Variants in SPOCK1 observed in about 807,000 individuals in gnomAD.
The protein encoded by SPOCK1 is SPARC (osteonectin), cwcv and kazal like domains proteoglycan 1, also known as testican-1.
A neutral mutation model predicts 55.3 loss-of-function variants in SPOCK1; 23 were observed. That is an observed-to-expected ratio of 0.42 (90% CI 0.30 to 0.59). The LOEUF (loss-of-function observed/expected upper bound fraction) is 0.59. SPOCK1 is among the 20% of genes least tolerant of loss of function. The pLI is 0.22. For missense variants in SPOCK1, 499 were observed against 552.5 expected (o/e 0.90, Z 0.97); for synonymous variants, 226 against 221.0 (o/e 1.02, Z -0.20).
At chr5:137,462,968 G>T (rs975035965) in intron 2 of SPOCK1, among the ~76,000 whole-genome samples, 5 of 152,190 alleles carry the variant, frequency 3.3e-5, no homozygotes, top group Non-Finnish European at 7.3e-5. Flanking sequence ...GGAAAAGGAT[G>T]AGGCTGAAGA....
intron 3 of SPOCK1, among the ~76,000 whole-genome samples, chr5:137,156,942 C>G (rs939046273): frequency 6.6e-6 from 1 of 152,072 alleles, no homozygotes; most frequent in East Asian, 1.9e-4. Flanking sequence ...AAGGTGTTAG[C>G]AGTAAGAAAT....
In SPOCK1 at chr5:137,415,551, A is replaced by G. The variant is rs1405467089; in HGVS notation, c.186+82822T>C. Among the ~76,000 whole-genome samples the G allele has an allele frequency of 2.6e-5, 4 of 152,230 alleles. No individual in the cohort carries two copies. The South Asian group carries it at 6.2e-4, about 24-fold the overall frequency. On this transcript the variant is annotated intron_variant, in intron 2 of 10. Coordinates refer to ENST00000394945, the MANE Select transcript of SPOCK1 (RefSeq NM_004598.4). ...AAGAATGAAAACTGCTTGGATCCCC[A>G]TTATGGGGTAAACAGGCAGTTCCCT...
At chr5:137,180,113 G>A (rs1754940880) in intron 3 of SPOCK1, among the ~76,000 whole-genome samples, 1 of 152,126 alleles carries the variant, frequency 6.6e-6, no homozygotes, top group Non-Finnish European at 1.5e-5. Context: ...ACCTGGATCT[G>A]GCAGAGGCAA....
At chr5:137,175,156 G>C (rs866842978) in intron 3 of SPOCK1, among the ~76,000 whole-genome samples, 2 of 152,198 alleles carry the variant, frequency 1.3e-5, no homozygotes, top group African/African-American at 2.4e-5. Flanking sequence ...TGAAGAGGGA[G>C]AAATTACTAC....
In SPOCK1 at chr5:137,085,684, G is replaced by A. The variant is rs145515439; in HGVS notation, c.475-17855C>T. 2.8e-3 allele frequency among the ~76,000 whole-genome samples: 434 copies of A among 152,322 alleles called. 1 individual carries two copies. Among genetic ancestry groups the A allele is most frequent in the African/African-American group, 1.0e-2 (415 of 41,576 alleles). On this transcript the variant is annotated intron_variant, in intron 5 of 10. Transcript: ENST00000394945. ...GTCATTCCTGAAGTGAATGCCTAAC[G>A]GTGATGACGATGACAGAAACTGAGT...
At chr5:137,479,573 A>G (rs1321781498) in intron 2 of SPOCK1, among the ~76,000 whole-genome samples, 1 of 152,166 alleles carries the variant, frequency 6.6e-6, no homozygotes, top group Non-Finnish European at 1.5e-5. Flanking sequence ...GCTCTCAAAA[A>G]TGGCATCTCC....
chr5:137,322,034 AAAAG>A (rs1757989772), intron 2 of SPOCK1, among the ~76,000 whole-genome samples: 1 of 152,220 alleles, frequency 6.6e-6, no homozygotes, highest in Non-Finnish European at 1.5e-5. Context: ...CTTCAAGTTG[AAAAG>A]AAAGAATGCT....
intron 2 of SPOCK1, among the ~76,000 whole-genome samples, chr5:137,332,424 G>A (rs1360834452): frequency 4.6e-5 from 7 of 151,856 alleles, no homozygotes; most frequent in East Asian, 1.9e-4. Flanking sequence ...CACCATCTGC[G>A]CTCTGCACCC....
intron 2 of SPOCK1, among the ~76,000 whole-genome samples, chr5:137,460,290 A>G (rs991541443): frequency 6.6e-6 from 1 of 152,212 alleles, no homozygotes; most frequent in Admixed American, 6.5e-5. Context: ...TCTACTGACC[A>G]GGACTCCTCT....
intron 4 of SPOCK1, among the ~76,000 whole-genome samples, chr5:137,117,192 CT>C (rs1213046561): frequency 2.0e-5 from 3 of 152,242 alleles, no homozygotes; most frequent in Admixed American, 6.5e-5. Flanking sequence ...TAAGTTCTAT[CT>C]CCAGCCAGCC....
chr5:137,452,321 T>C (rs1442200949), intron 2 of SPOCK1, among the ~76,000 whole-genome samples: 1 of 152,244 alleles, frequency 6.6e-6, no homozygotes, highest in Non-Finnish European at 1.5e-5. Context: ...CCAATTCTGC[T>C]GGCTTGTTGC....
At chr5:137,339,639 T>G (rs1395547333) in intron 2 of SPOCK1, among the ~76,000 whole-genome samples, 2 of 152,156 alleles carry the variant, frequency 1.3e-5, no homozygotes, top group Non-Finnish European at 2.9e-5. Flanking sequence ...TCAATCAGTT[T>G]TTTTTCAATC....
intron 2 of SPOCK1, among the ~76,000 whole-genome samples, chr5:137,387,745 G>A (rs961865745): frequency 1.9e-4 from 29 of 152,152 alleles, no homozygotes; most frequent in African/African-American, 6.3e-4. Flanking sequence ...CAACTGTAAC[G>A]AATGTGTGAC....
intron 2 of SPOCK1, 29 bp from the exon 3 acceptor site, chr5:137,267,084 G>A (rs1406309548): frequency 6.9e-6 from 11 of 1,593,590 alleles, no homozygotes; most frequent in Non-Finnish European, 9.5e-6. Flanking sequence ...GAAAACAAAG[G>A]TCAGAGTTCA....
At chr5:137,044,807 C>T (rs1404759272) in intron 6 of SPOCK1, among the ~76,000 whole-genome samples, 1 of 134,590 alleles carries the variant, frequency 7.4e-6, no homozygotes, top group Non-Finnish European at 1.6e-5. Context: ...CCCGACCCCA[C>T]CACAGTCCCC....
chr5:137,286,566 C>T (rs1211141903), intron 2 of SPOCK1, among the ~76,000 whole-genome samples: 1 of 152,196 alleles, frequency 6.6e-6, no homozygotes, highest in African/African-American at 2.4e-5. Flanking sequence ...GTGGCTGCAG[C>T]AGCCCTGCTA....
chr5:137,287,549 T>C (rs1279960849), intron 2 of SPOCK1, among the ~76,000 whole-genome samples: 1 of 152,234 alleles, frequency 6.6e-6, no homozygotes, highest in Non-Finnish European at 1.5e-5. Context: ...AGGCACTGGT[T>C]AACAAATGGA....
Position 137,397,772 on chromosome 5 carries a change from G to T in SPOCK1, c.186+100601C>A, listed in dbSNP as rs149942999. Among the ~76,000 whole-genome samples, 492 of 152,222 alleles carry T rather than the reference G, an allele frequency of 3.2e-3. 4 individuals are homozygous for T. The highest frequency in any genetic ancestry group is 0.011 in the African/African-American group (457 of 41,540). ...ATAACACTAATACAGACTACTCAGG[G>T]CTGCAAGGGGCTTAAGTCATTTCAG... is the stretch of plus-strand genomic sequence containing the variant. On this transcript the variant is annotated intron_variant, in intron 2 of 10. Coordinates refer to ENST00000394945, the MANE Select transcript of SPOCK1 (RefSeq NM_004598.4).
chr5:137,231,336 C>A (rs903246680), intron 3 of SPOCK1, among the ~76,000 whole-genome samples: 1 of 152,170 alleles, frequency 6.6e-6, no homozygotes, highest in Non-Finnish European at 1.5e-5. Context: ...CGTGAGCCAC[C>A]GCACCCGGCT....
Sources: allele counts gnomAD v4.1 joint callset (sites outside exome capture counted in the v4.1 genomes callset), GRCh38; gene constraint gnomAD v4.1.1; transcripts MANE v1.5; gene names NCBI Gene and HGNC (gene_info 2026-07-23, HGNC 2026-07-21).